The following FAM83B variants were observed in gnomAD, a reference collection of about 807,000 sequenced individuals.
FAM83B encodes scaffolding CK1 anchoring protein B, also known as protein FAM83B.
FAM83B carries 26 observed loss-of-function variants against 38.8 expected under a neutral mutation model. The observed-to-expected ratio is 0.67, with a 90% CI of 0.49 to 0.93. FAM83B has a LOEUF of 0.93. FAM83B is among the 40% of genes least tolerant of loss of function. FAM83B has a pLI of 0.00. For missense variants in FAM83B, 1,237 were observed against 1,197.3 expected (o/e 1.03, Z -0.49); for synonymous variants, 419 against 423.1 (o/e 0.99, Z 0.12).
At chr6:54,915,572 C>T (rs1428995106) in intron 2 of FAM83B, among the ~76,000 whole-genome samples, 2 of 90,592 alleles carry the variant, frequency 2.2e-5, no homozygotes, top group Non-Finnish European at 4.3e-5. Context: ...TTTGGGAGGC[C>T]GAGGCGGGTG....
At chr6:54,886,904 C>CTTA (rs143120964) in intron 2 of FAM83B, among the ~76,000 whole-genome samples, 1 of 151,524 alleles carries the variant, frequency 6.6e-6, no homozygotes, top group Admixed American at 6.6e-5. Flanking sequence ...TTATATATAC[C>CTTA]TTATTATTAT....
At chr6:54,848,492 G>T (rs1433216064) in intron 1 of FAM83B, among the ~76,000 whole-genome samples, 1 of 152,204 alleles carries the variant, frequency 6.6e-6, no homozygotes, top group Non-Finnish European at 1.5e-5. Flanking sequence ...CTCTGGTGCT[G>T]ACTCAGTGAT....
At chr6:54,883,202 C>T (rs1772177109) in intron 2 of FAM83B, among the ~76,000 whole-genome samples, 2 of 152,154 alleles carry the variant, frequency 1.3e-5, no homozygotes, top group South Asian at 4.1e-4. Context: ...CTTGGCCTCC[C>T]AAAGTGCTGG....
chr6:54,847,265 G>T (rs1771160695), intron 1 of FAM83B, among the ~76,000 whole-genome samples: 1 of 151,638 alleles, frequency 6.6e-6, no homozygotes, highest in Admixed American at 6.5e-5. Flanking sequence ...GAAGCAGAGG[G>T]CATGGGGGTG....
intron 2 of FAM83B, among the ~76,000 whole-genome samples, chr6:54,877,000 G>A (rs1772012850): frequency 6.6e-6 from 1 of 152,142 alleles, no homozygotes; most frequent in Admixed American, 6.5e-5. Context: ...GAATGGCAAA[G>A]CTAATTGTCA....
At chr6:54,935,276 T>C (rs1485412351) in intron 4 of FAM83B, among the ~76,000 whole-genome samples, 1 of 152,096 alleles carries the variant, frequency 6.6e-6, no homozygotes, top group African/African-American at 2.4e-5. Flanking sequence ...TGAGCTAAAT[T>C]TTATTTTAGT....
intron 2 of FAM83B, among the ~76,000 whole-genome samples, chr6:54,897,940 A>C (rs887102133): frequency 1.3e-5 from 2 of 152,210 alleles, no homozygotes; most frequent in African/African-American, 4.8e-5. Context: ...AATAAGAAAC[A>C]TACCTGAATT....
In FAM83B at chr6:54,934,772, T is replaced by A. The variant is rs576273899; in HGVS notation, c.735-4934T>A. Among the ~76,000 whole-genome samples the A allele has an allele frequency of 2.0e-5, 3 of 152,258 alleles. No homozygotes were observed. In the East Asian group the frequency reaches 5.8e-4, roughly 29 times the overall value. On this transcript the variant is annotated intron_variant, in intron 4 of 4. Transcript: ENST00000306858. ...AGAGTAGGGAACCTGGAGGCCCAACTGCTCTATATGAGACTTTCAATCAAT... is the reference window on the plus strand; with the variant it reads ...AGAGTAGGGAACCTGGAGGCCCAACAGCTCTATATGAGACTTTCAATCAAT...
At chr6:54,860,871 T>C (rs1420786660) in intron 1 of FAM83B, among the ~76,000 whole-genome samples, 1 of 152,208 alleles carries the variant, frequency 6.6e-6, no homozygotes, top group Non-Finnish European at 1.5e-5. Flanking sequence ...TGTAAAACTC[T>C]CTTGTGTACA....
chr6:54,943,696 A>T lies in FAM83B; in HGVS notation c.*1689A>T, dbSNP rs182631413. 1 of 152,322 alleles carries T rather than the reference A, an allele frequency of 6.6e-6. No homozygotes were observed. 9.4% of individuals were successfully genotyped at this position (152,322 alleles called of 1,614,324 possible). On this transcript the variant is annotated 3_prime_UTR_variant, in exon 5 of 5. Coordinates refer to ENST00000306858, the MANE Select transcript of FAM83B (RefSeq NM_001010872.3). ...CAAAGCCCAGAACCCACAGTTAACCAAACTAGACTGACTTTGTTATTACCC... is the reference window on the plus strand; with the variant it reads ...CAAAGCCCAGAACCCACAGTTAACCTAACTAGACTGACTTTGTTATTACCC...
chr6:54,923,301 C>T (rs1002069410), intron 2 of FAM83B, among the ~76,000 whole-genome samples: 42 of 152,098 alleles, frequency 2.8e-4, no homozygotes, highest in African/African-American at 1.0e-3. Flanking sequence ...TTCACTGCCT[C>T]TCACATTCAT....
At position 54,939,871 on chromosome 6, in the gene FAM83B, C is replaced by T. The variant is rs1773618346; in HGVS notation, c.900C>T (p.Leu300=). The part of the protein sequence containing the change: ...ESARVKHGKA[L]WENGTYQHSV... The stretch of plus-strand genomic sequence containing the variant: ...CAAGGGTGAAGCATGGAAAAGCCCT[C>T]TGGGAAAATGGCACTTACCAGCATT... Residue 300 remains leucine, a synonymous_variant, in exon 5 of 5, where the codon CTC becomes CTT. Transcript: ENST00000306858. The T allele has an allele frequency of 1.2e-6, 2 of 1,614,020 alleles. No individual in the cohort carries two copies. Among genetic ancestry groups the T allele is most frequent in the South Asian group, 1.1e-5 (1 of 91,078 alleles).
At chr6:54,924,302 C>T (rs1437433672) in intron 2 of FAM83B, among the ~76,000 whole-genome samples, 1 of 151,926 alleles carries the variant, frequency 6.6e-6, no homozygotes, top group African/African-American at 2.4e-5. Flanking sequence ...ATGATGATTA[C>T]ACACAATTTT....
intron 1 of FAM83B, among the ~76,000 whole-genome samples, chr6:54,858,897 C>T (rs932406701): frequency 3.3e-5 from 5 of 152,140 alleles, no homozygotes; most frequent in African/African-American, 9.7e-5. Flanking sequence ...ATCACTTTTA[C>T]AGTACTCAGC....
chr6:54,903,178 G>A (rs540240708), intron 2 of FAM83B, among the ~76,000 whole-genome samples: 27 of 152,152 alleles, frequency 1.8e-4, no homozygotes, highest in South Asian at 2.1e-4. Flanking sequence ...TTATATACGT[G>A]TACCATAATT....
intron 1 of FAM83B, among the ~76,000 whole-genome samples, chr6:54,863,926 A>G (rs1771644174): frequency 1.3e-5 from 2 of 152,220 alleles, no homozygotes; most frequent in South Asian, 2.1e-4. Context: ...ATGGCACAAG[A>G]CACAACTTTA....
chr6:54,879,608 A>G (rs1237591553), intron 2 of FAM83B, among the ~76,000 whole-genome samples: 1 of 152,076 alleles, frequency 6.6e-6, no homozygotes, highest in East Asian at 1.9e-4. Flanking sequence ...GCGTGAGAGA[A>G]GTAGAGTAGG....
At chr6:54,847,646 G>A (rs1454076327) in intron 1 of FAM83B, among the ~76,000 whole-genome samples, 2 of 152,132 alleles carry the variant, frequency 1.3e-5, no homozygotes, top group Non-Finnish European at 2.9e-5. Flanking sequence ...ACCTGTGTAA[G>A]GTTAATGGAC....
intron 2 of FAM83B, among the ~76,000 whole-genome samples, chr6:54,922,340 TA>T (rs927328081): frequency 6.6e-6 from 1 of 151,960 alleles, no homozygotes. Flanking sequence ...AAATTCTGAT[TA>T]AAAAAATTAG....
Sources: gnomAD v4.1 joint callset for allele counts (sites outside exome capture counted in the v4.1 genomes callset) on GRCh38, gnomAD v4.1.1 for gene constraint, MANE v1.5 for transcripts, NCBI Gene and HGNC (gene_info 2026-07-23, HGNC 2026-07-21) for gene names.